The following RABGEF1 variants were observed in gnomAD, a reference collection of about 807,000 sequenced individuals.
The protein encoded by RABGEF1 is RAB guanine nucleotide exchange factor 1, also known as rab5 GDP/GTP exchange factor.
Under a neutral mutation model 57.3 loss-of-function variants are expected in RABGEF1, and 26 were observed. That is an observed-to-expected ratio of 0.45 (90% CI 0.33 to 0.63). The LOEUF (loss-of-function observed/expected upper bound fraction) is 0.63, where lower values mean the gene tolerates loss of function less well. Ranked by LOEUF, RABGEF1 falls within the 20% of genes least tolerant of loss-of-function variation. The probability of loss-of-function intolerance (pLI) is 0.02; values close to 1 mark genes in which losing one functional copy is unlikely to be tolerated. For missense variants in RABGEF1, 464 were observed against 607.6 expected (o/e 0.76, Z 2.48); for synonymous variants, 185 against 210.7 (o/e 0.88, Z 1.06).
At chr7:66,672,929 T>G in the RABGEF1 span, among the ~76,000 whole-genome samples, 100 of 150,172 alleles carry the variant, frequency 6.7e-4, no homozygotes, top group Non-Finnish European at 1.4e-3. Context: ...GCGGGCTGTT[T>G]GGGGAAGGAA....
At chr7:66,745,170 C>T (rs904315111) in intron 1 of RABGEF1, among the ~76,000 whole-genome samples, 3 of 150,454 alleles carry the variant, frequency 2.0e-5, no homozygotes, top group Non-Finnish European at 2.9e-5. Context: ...CCAGCCTGAG[C>T]GACAGAGCGA....
chr7:66,797,655 T>G, intron 6 of RABGEF1, 149 bp downstream of exon 6: 1 of 897,746 alleles, frequency 1.1e-6, no homozygotes, highest in Non-Finnish European at 1.6e-6. Context: ...CTCTGTTGTG[T>G]AAGAAAGACG....
chr7:66,788,676 T>C (rs1441528946), intron 4 of RABGEF1, among the ~76,000 whole-genome samples: 1 of 152,056 alleles, frequency 6.6e-6, no homozygotes, highest in Non-Finnish European at 1.5e-5. Context: ...TTCTAGCCAG[T>C]CCTATAAAAA....
At chr7:66,730,569 T>C (rs1797202081) in intron 2 of RABGEF1, among the ~76,000 whole-genome samples, 1 of 150,752 alleles carries the variant, frequency 6.6e-6, no homozygotes, top group Non-Finnish European at 1.5e-5. Context: ...TTTTTTTTTT[T>C]TTTTTTGGTG....
chr7:66,737,083 A>AGAGAGC (rs1798062561), upstream of RABGEF1, among the ~76,000 whole-genome samples: 1 of 130,652 alleles, frequency 7.7e-6, no homozygotes, highest in Non-Finnish European at 1.6e-5. Flanking sequence ...TGAGAGAGAG[A>AGAGAGC]GAGCGAGAGC....
intron 1 of RABGEF1, among the ~76,000 whole-genome samples, chr7:66,690,088 T>A: frequency 6.6e-6 from 1 of 151,072 alleles, no homozygotes; most frequent in East Asian, 2.0e-4. Flanking sequence ...TTATAAACAT[T>A]GATAAAAAAT....
At chr7:66,736,352 A>G (rs11766583), upstream of RABGEF1, among the ~76,000 whole-genome samples, 31,543 of 152,180 alleles carry the variant, frequency 0.21, 3,828 homozygotes, top group East Asian at 0.31. Flanking sequence ...CATATGAGGT[A>G]GAGGTGGTGA....
chr7:66,804,756 AG>A (rs35435174), intron 7 of RABGEF1, among the ~76,000 whole-genome samples: 1,906 of 149,688 alleles, frequency 0.013, 47 homozygotes, highest in East Asian at 0.09. Context: ...AAAAAAAAAA[AG>A]TGTGGGCTTT....
chr7:66,685,712 G>T (rs1790521309), intron 1 of RABGEF1, among the ~76,000 whole-genome samples: 1 of 152,194 alleles, frequency 6.6e-6, no homozygotes. Context: ...CTGGTTTTCA[G>T]TGAACAAAAT....
intron 1 of RABGEF1, among the ~76,000 whole-genome samples, chr7:66,755,488 GAAAA>G (rs530182977): frequency 2.7e-5 from 4 of 149,464 alleles, no homozygotes; most frequent in Non-Finnish European, 5.9e-5. Flanking sequence ...GAAAAGAAAA[GAAAA>G]AAAAAGCGTA....
At chr7:66,793,509 A>G (rs1187545877) in intron 4 of RABGEF1, among the ~76,000 whole-genome samples, 1 of 152,216 alleles carries the variant, frequency 6.6e-6, no homozygotes, top group African/African-American at 2.4e-5. Flanking sequence ...GGAATGCTCA[A>G]ATCTGTAGTA....
intron 1 of RABGEF1, among the ~76,000 whole-genome samples, chr7:66,744,270 C>T (rs541636009): frequency 1.1e-4 from 16 of 151,340 alleles, no homozygotes; most frequent in Admixed American, 8.5e-4. Flanking sequence ...TGGTGGCTCA[C>T]GCCTGTAATC....
intron 2 of RABGEF1, among the ~76,000 whole-genome samples, chr7:66,722,770 G>A (rs1415367933): frequency 6.6e-6 from 1 of 151,990 alleles, no homozygotes; most frequent in Non-Finnish European, 1.5e-5. Flanking sequence ...AGATTGTTTT[G>A]TAATTCTGCA....
At chr7:66,738,030 T>TG (rs1292569244), upstream of RABGEF1, among the ~76,000 whole-genome samples, 19,721 of 146,174 alleles carry the variant, frequency 0.13, 1,210 homozygotes, top group Non-Finnish European at 0.19. Context: ...TTTGTTTTTT[T>TG]TTTTTTTTGA....
chr7:66,786,806 A>G (rs1811291347), intron 4 of RABGEF1, among the ~76,000 whole-genome samples: 1 of 152,224 alleles, frequency 6.6e-6, no homozygotes, highest in Non-Finnish European at 1.5e-5. Flanking sequence ...TAAAACATGT[A>G]TACTCTTACA....
intron 7 of RABGEF1, among the ~76,000 whole-genome samples, chr7:66,801,957 G>C (rs1787391394): frequency 6.6e-6 from 1 of 152,094 alleles, no homozygotes; most frequent in African/African-American, 2.4e-5. Context: ...ACCCAGGCTG[G>C]AGTGCAAGTG....
At chr7:66,745,536 G>A (rs1800002008) in intron 1 of RABGEF1, among the ~76,000 whole-genome samples, 1 of 152,124 alleles carries the variant, frequency 6.6e-6, no homozygotes, top group South Asian at 2.1e-4. Context: ...GGAGGCTGAG[G>A]TGGGCAGATC....
intron 2 of RABGEF1, among the ~76,000 whole-genome samples, chr7:66,725,648 C>G (rs1217713692): frequency 6.6e-6 from 1 of 152,138 alleles, no homozygotes; most frequent in African/African-American, 2.4e-5. Flanking sequence ...TATGACTCCC[C>G]CAACTTTATG....
intron 1 of RABGEF1, among the ~76,000 whole-genome samples, chr7:66,701,538 C>T (rs944603915): frequency 4.8e-5 from 7 of 144,470 alleles, no homozygotes; most frequent in African/African-American, 7.7e-5. Context: ...GACAGAGTTT[C>T]GCCCTTCTTG....
Sources: gnomAD v4.1 joint callset for allele counts (sites outside exome capture counted in the v4.1 genomes callset) on GRCh38, gnomAD v4.1.1 for gene constraint, MANE v1.5 for transcripts, NCBI Gene and HGNC (gene_info 2026-07-23, HGNC 2026-07-21) for gene names.